The following HAVCR1 variants were observed in gnomAD, a reference collection of about 807,000 sequenced individuals.
The protein encoded by HAVCR1 is T cell immunoglobin domain and mucin domain protein 1.
A neutral mutation model predicts 32.0 loss-of-function variants in HAVCR1; 34 were observed. That is an observed-to-expected ratio of 1.06 (90% CI 0.81 to 1.42). The LOEUF (loss-of-function observed/expected upper bound fraction) is 1.42. Ranked by LOEUF, HAVCR1 falls within the 40% of genes most tolerant of loss-of-function variation. The pLI is 0.00. For missense variants in HAVCR1, 420 were observed against 442.3 expected (o/e 0.95, Z 0.45); for synonymous variants, 178 against 170.3 (o/e 1.05, Z -0.35).
At chr5:157,067,784 G>A in the HAVCR1 span, among the ~76,000 whole-genome samples, 2 of 152,152 alleles carry the variant, frequency 1.3e-5, no homozygotes, top group African/African-American at 4.8e-5. Context: ...CGCCTCCCGG[G>A]TTAAAGCGAT....
At chr5:157,034,577 G>C (rs756545657) in intron 7 of HAVCR1, among the ~76,000 whole-genome samples, 2 of 151,114 alleles carry the variant, frequency 1.3e-5, no homozygotes, top group Non-Finnish European at 2.9e-5. Context: ...TACGGGTGTC[G>C]GGCTCGGGGA....
At chr5:157,033,471 C>T (rs1177327596) in intron 7 of HAVCR1, among the ~76,000 whole-genome samples, 2 of 151,736 alleles carry the variant, frequency 1.3e-5, no homozygotes, top group East Asian at 1.9e-4. Context: ...AGGGCTTTCT[C>T]TGAAGCTCCC....
intron 2 of HAVCR1, among the ~76,000 whole-genome samples, chr5:157,057,448 A>AAAGAAAGAAAGG: frequency 2.2e-5 from 3 of 138,910 alleles, no homozygotes; most frequent in African/African-American, 5.1e-5. Context: ...AGAAAGAAAG[A>AAAGAAAGAAAGG]AAGAAAGAAA....
chr5:157,029,878 A>G (rs1158953116), intron 8 of HAVCR1, 37 bp from the exon 9 acceptor site: 1 of 1,582,102 alleles, frequency 6.3e-7, no homozygotes, highest in Non-Finnish European at 8.6e-7. Context: ...CATGAGTAAG[A>G]AAAAAAGCAG....
intron 4 of HAVCR1, among the ~76,000 whole-genome samples, chr5:157,051,816 T>C (rs1160666199): frequency 6.6e-6 from 1 of 152,244 alleles, no homozygotes; most frequent in East Asian, 1.9e-4. Flanking sequence ...AGACTCTGTC[T>C]CAGTTCTAAC....
At chr5:157,055,830 A>G (rs1271732308) in intron 2 of HAVCR1, among the ~76,000 whole-genome samples, 2 of 150,928 alleles carry the variant, frequency 1.3e-5, no homozygotes, top group Non-Finnish European at 3.0e-5. Flanking sequence ...GTGCCACTAC[A>G]CTCCAGCCTG....
At chr5:157,057,151 C>T (rs529000708) in intron 2 of HAVCR1, among the ~76,000 whole-genome samples, 10 of 151,946 alleles carry the variant, frequency 6.6e-5, no homozygotes, top group African/African-American at 2.4e-4. Context: ...CTTGTCTCTA[C>T]TAAAAATACA....
chr5:157,048,826 T>G (rs13163099), intron 5 of HAVCR1, among the ~76,000 whole-genome samples: 5,323 of 120,516 alleles, frequency 0.044, 210 homozygotes, highest in African/African-American at 0.12. Flanking sequence ...CGAGACTCCA[T>G]CTCAGAAAAA....
chr5:157,061,615 G>A (rs1419780325), upstream of HAVCR1, among the ~76,000 whole-genome samples: 1 of 151,880 alleles, frequency 6.6e-6, no homozygotes, highest in Non-Finnish European at 1.5e-5. Context: ...GCTGAGGCAA[G>A]AGAATCGCCT....
chr5:157,041,072 T>C (rs1482615440), intron 6 of HAVCR1, among the ~76,000 whole-genome samples: 2 of 152,180 alleles, frequency 1.3e-5, no homozygotes, highest in African/African-American at 4.8e-5. Flanking sequence ...CTATCTAACT[T>C]ACATGGAGGT....
chr5:157,041,290 A>T (rs1754876891), intron 6 of HAVCR1, among the ~76,000 whole-genome samples: 1 of 151,770 alleles, frequency 6.6e-6, no homozygotes, highest in Non-Finnish European at 1.5e-5. Flanking sequence ...TTGAGATCAG[A>T]AGTTCAAGAC....
intron 5 of HAVCR1, among the ~76,000 whole-genome samples, chr5:157,045,182 T>C (rs1168106828): frequency 6.6e-6 from 1 of 151,722 alleles, no homozygotes; most frequent in Non-Finnish European, 1.5e-5. Flanking sequence ...ATTATAGAAA[T>C]AAACTGTAAT....
chr5:157,045,449 G>A (rs1755336042), intron 5 of HAVCR1, among the ~76,000 whole-genome samples: 1 of 151,862 alleles, frequency 6.6e-6, no homozygotes, highest in South Asian at 2.1e-4. Flanking sequence ...GAGGAGGGAG[G>A]GATAGATACT....
chr5:157,052,898 C>T (rs1049187077), intron 3 of HAVCR1, among the ~76,000 whole-genome samples: 19 of 152,170 alleles, frequency 1.2e-4, no homozygotes, highest in African/African-American at 4.3e-4. Flanking sequence ...CAAATAAGAA[C>T]AGACGCCTCA....
intron 5 of HAVCR1, among the ~76,000 whole-genome samples, chr5:157,044,615 GAGAAAGAAAGAAAGAA>G (rs1554090477): frequency 0.01 from 547 of 52,634 alleles, 6 homozygotes; most frequent in Admixed American, 0.015. Flanking sequence ...AAGAAAGAAA[GAGAAAGAAAGAAAGAA>G]AGAAAGAAAG....
At chr5:157,043,049 A>C (rs545596336) in intron 5 of HAVCR1, among the ~76,000 whole-genome samples, 1 of 152,330 alleles carries the variant, frequency 6.6e-6, no homozygotes, top group African/African-American at 2.4e-5. Flanking sequence ...TATGCTATCT[A>C]AACAGCTGTA....
chr5:157,040,751 C>T (rs12514759), intron 6 of HAVCR1, among the ~76,000 whole-genome samples: 9,206 of 151,918 alleles, frequency 0.061, 709 homozygotes, highest in African/African-American at 0.18. Flanking sequence ...AACACAAAAA[C>T]TAGCCAGGCA....
intron 4 of HAVCR1, among the ~76,000 whole-genome samples, chr5:157,050,616 T>A (rs541724787): frequency 5.5e-4 from 83 of 152,244 alleles, no homozygotes; most frequent in African/African-American, 1.9e-3. Flanking sequence ...GGCAACTTTC[T>A]CCCATATCTC....
intron 6 of HAVCR1, among the ~76,000 whole-genome samples, chr5:157,041,343 C>T (rs1429649992): frequency 1.3e-5 from 2 of 151,878 alleles, no homozygotes; most frequent in African/African-American, 4.8e-5. Flanking sequence ...ACTAAAAACA[C>T]AAAAATTATC....
Sources: allele counts gnomAD v4.1 joint callset (sites outside exome capture counted in the v4.1 genomes callset), GRCh38; gene constraint gnomAD v4.1.1; transcripts MANE v1.5; gene names NCBI Gene and HGNC (gene_info 2026-07-23, HGNC 2026-07-21).